Variants in PAM observed in about 807,000 individuals in gnomAD.
The protein encoded by PAM is peptidyl-glycine alpha-amidating monooxygenase.
In PAM, 72 loss-of-function variants were observed where a neutral mutation model predicts 122.1. The observed-to-expected ratio is 0.59, with a 90% CI of 0.49 to 0.72. The LOEUF (loss-of-function observed/expected upper bound fraction) is 0.72. PAM is among the 30% of genes least tolerant of loss of function. The probability of loss-of-function intolerance (pLI) is 0.00; values close to 1 mark genes in which losing one functional copy is unlikely to be tolerated. For missense variants in PAM, 1,106 were observed against 1,183.7 expected, an observed-to-expected ratio of 0.93 and a Z score of 0.96; for synonymous variants, 389 against 404.4, an observed-to-expected ratio of 0.96 and a Z score of 0.46.
At chr5:102,818,884 TTTAGAGTTTGGAAA>T (rs1236368126) in intron 1 of PAM, among the ~76,000 whole-genome samples, 1 of 152,204 alleles carries the variant, frequency 6.6e-6, no homozygotes, top group Non-Finnish European at 1.5e-5. Flanking sequence ...TGAATGCACA[TTTAGAGTTTGGAAA>T]TCTTTTCATC....
intron 5 of PAM, among the ~76,000 whole-genome samples, chr5:102,915,166 T>C (rs1802722666): frequency 6.6e-6 from 1 of 152,148 alleles, no homozygotes; most frequent in African/African-American, 2.4e-5. Flanking sequence ...ACTGGTGTGC[T>C]TTGCTTTGCA....
chr5:103,018,697 T>C (rs1393431385), intron 22 of PAM, among the ~76,000 whole-genome samples: 1 of 152,188 alleles, frequency 6.6e-6, no homozygotes, highest in African/African-American at 2.4e-5. Context: ...CTTTGAAAGA[T>C]GGAGAAGACT....
At chr5:102,978,407 A>T (rs1159534844) in intron 15 of PAM, among the ~76,000 whole-genome samples, 1 of 152,220 alleles carries the variant, frequency 6.6e-6, no homozygotes, top group Non-Finnish European at 1.5e-5. Flanking sequence ...GTTTAGATAG[A>T]GATAGCATTA....
intron 1 of PAM, among the ~76,000 whole-genome samples, chr5:102,845,949 A>AT (rs1274439361): frequency 6.6e-6 from 1 of 152,166 alleles, no homozygotes; most frequent in Non-Finnish European, 1.5e-5. Context: ...TTGGTGGTGC[A>AT]TTTGCTCATG....
chr5:102,812,113 C>T (rs1455377553), intron 1 of PAM, among the ~76,000 whole-genome samples: 2 of 152,064 alleles, frequency 1.3e-5, no homozygotes, highest in African/African-American at 4.8e-5. Flanking sequence ...ATAACACTGT[C>T]GTTTATGGAT....
At chr5:102,869,482 G>T (rs1176348262) in intron 3 of PAM, among the ~76,000 whole-genome samples, 1 of 152,182 alleles carries the variant, frequency 6.6e-6, no homozygotes, top group Non-Finnish European at 1.5e-5. Flanking sequence ...TGTCTTACTT[G>T]CAACTGAAAC....
intron 12 of PAM, among the ~76,000 whole-genome samples, chr5:102,959,380 A>G (rs1013769018): frequency 6.6e-6 from 1 of 152,122 alleles, no homozygotes; most frequent in Non-Finnish European, 1.5e-5. Flanking sequence ...ACCAAAAACA[A>G]GGTCCAGGAC....
intron 1 of PAM, among the ~76,000 whole-genome samples, chr5:102,777,485 TAAATG>T (rs1757473008): frequency 6.6e-6 from 1 of 152,106 alleles, no homozygotes; most frequent in Admixed American, 6.6e-5. Flanking sequence ...AAATATTAGT[TAAATG>T]AATAAAATTT....
At chr5:102,974,034 A>AT in intron 14 of PAM, 82 bp from the exon 15 acceptor site, 2 of 836,392 alleles carry the variant, frequency 2.4e-6, no homozygotes, top group Non-Finnish European at 3.8e-6. Context: ...AAATGAGTAG[A>AT]TATTTTTTAA....
At chr5:102,832,247 CT>C (rs1775685274) in intron 1 of PAM, among the ~76,000 whole-genome samples, 1 of 152,064 alleles carries the variant, frequency 6.6e-6, no homozygotes, top group Admixed American at 6.6e-5. Flanking sequence ...AGCTAGCATC[CT>C]TTTAAGGCAG....
intron 1 of PAM, among the ~76,000 whole-genome samples, chr5:102,780,476 T>C (rs1758420159): frequency 6.6e-6 from 1 of 152,184 alleles, no homozygotes. Context: ...ATTTGGGTCG[T>C]AAGCTTAGCT....
At chr5:102,874,183 T>A (rs1788418219) in intron 3 of PAM, among the ~76,000 whole-genome samples, 3 of 152,198 alleles carry the variant, frequency 2.0e-5, no homozygotes, top group Admixed American at 2.0e-4. Context: ...ATTCATTCTT[T>A]TTTCCCTTTC....
intron 1 of PAM, chr5:102,864,603 T>A (rs945715270): frequency 3.9e-5 from 6 of 152,172 alleles, no homozygotes; most frequent in African/African-American, 1.4e-4. Context: ...TTCTAGGTTT[T>A]TGTTTTGTTT....
chr5:102,969,829 C>T (rs1399037056), intron 14 of PAM, among the ~76,000 whole-genome samples: 1 of 152,010 alleles, frequency 6.6e-6, no homozygotes, highest in East Asian at 1.9e-4. Context: ...TAGTCATGTG[C>T]CTGGAGGTGG....
At chr5:102,904,507 A>G (rs1187369368) in intron 4 of PAM, among the ~76,000 whole-genome samples, 1 of 151,570 alleles carries the variant, frequency 6.6e-6, no homozygotes, top group Non-Finnish European at 1.5e-5. Flanking sequence ...ACCTTGAATT[A>G]TATTCTAATC....
chr5:102,798,700 C>T (rs114583206), intron 1 of PAM, among the ~76,000 whole-genome samples: 191 of 152,190 alleles, frequency 1.3e-3, no homozygotes, highest in African/African-American at 4.3e-3. Context: ...ATAAAAATTG[C>T]AAATCTGGTT....
chr5:102,852,414 G>T (rs964564533), intron 1 of PAM, among the ~76,000 whole-genome samples: 1 of 152,010 alleles, frequency 6.6e-6, no homozygotes, highest in South Asian at 2.1e-4. Flanking sequence ...ATTTAAAAGA[G>T]TAATGCTCTG....
chr5:102,926,548 T>G (rs772390947), intron 6 of PAM, 37 bp from the exon 7 acceptor site: 1 of 1,153,354 alleles, frequency 8.7e-7, no homozygotes, highest in Non-Finnish European at 1.3e-6. Context: ...TTTTAGATGC[T>G]CATTTCTAAT....
At chr5:103,008,460 A>C (rs1448254312) in intron 20 of PAM, among the ~76,000 whole-genome samples, 1 of 152,156 alleles carries the variant, frequency 6.6e-6, no homozygotes, top group Non-Finnish European at 1.5e-5. Flanking sequence ...TCTTTTCACA[A>C]TGAAGTGAAA....
Sources: allele counts gnomAD v4.1 joint callset (sites outside exome capture counted in the v4.1 genomes callset), GRCh38; gene constraint gnomAD v4.1.1; transcripts MANE v1.5; gene names NCBI Gene and HGNC (gene_info 2026-07-23, HGNC 2026-07-21).